LYST: variants seen among roughly 807,000 people sequenced by gnomAD.
LYST encodes the protein lysosomal-trafficking regulator.
LYST carries 192 observed loss-of-function variants against 413.6 expected under a neutral mutation model. That is an observed-to-expected ratio of 0.46 (90% CI 0.41 to 0.52). The LOEUF is 0.52. Among genes scored for constraint, LYST ranks in the 20% least tolerant of loss-of-function variants. The pLI, the probability that LYST is intolerant of heterozygous loss-of-function variation, is 0.00. For missense variants in LYST, 3,815 were observed against 4,499.9 expected (o/e 0.85, Z 4.35); for synonymous variants, 1,525 against 1,567.3 (o/e 0.97, Z 0.64).
At chr1:235,850,045 C>T (rs1678347876) in intron 1 of LYST, among the ~76,000 whole-genome samples, 1 of 151,790 alleles carries the variant, frequency 6.6e-6, no homozygotes, top group Admixed American at 6.6e-5. Flanking sequence ...CATATGGAAC[C>T]AAAAAAGAGC....
At chr1:235,709,613 G>C (rs987096833) in intron 43 of LYST, among the ~76,000 whole-genome samples, 1 of 150,034 alleles carries the variant, frequency 6.7e-6, no homozygotes, top group African/African-American at 2.5e-5. Context: ...CCAATATTCT[G>C]ACTATTCACA....
chr1:235,877,712 C>T (rs1372145261), intron 1 of LYST, among the ~76,000 whole-genome samples: 1 of 152,054 alleles, frequency 6.6e-6, no homozygotes, highest in African/African-American at 2.4e-5. Flanking sequence ...GGCCGGTCAA[C>T]TTTCTTTTTT....
rs1406853002 is a variant in LYST at position 235,759,281 on chromosome 1, G to A, written c.6572C>T (p.Pro2191Leu). Residue 2191 changes from proline (P) to leucine (L), a missense_variant, in exon 23 of 53, where the codon CCA becomes CTA. Physicochemically the swap from Pro to Leu is moderately conservative, Grantham distance 98. Coordinates refer to ENST00000389793, the MANE Select transcript of LYST (RefSeq NM_000081.4). ...CACTGGAAATCCCAGCACTCCCTTT[G>A]GGACATCACTGACAGAGACCTGGGC... ...LSAQVSVSDV[P>L]KGVLGFPVVK... The A allele has an allele frequency of 8.7e-6, 14 of 1,614,080 alleles. No individual in the cohort carries two copies. The highest frequency in any genetic ancestry group is 1.2e-5 in the Non-Finnish European group (14 of 1,180,000).
rs1673228950 is a variant in LYST at position 235,809,549 on chromosome 1, G to T, written c.1269C>A (p.Pro423=). The change falls in exon 5 of 53, where the codon CCC becomes CCA. Residue 423 remains proline, a synonymous_variant. Transcript: ENST00000389793. This position sits in a 1 kb window ranked among gnomAD's most constrained non-coding sequence, Gnocchi z 4.0. ...AATCCATGGCTTGACTGAAGTAGAAGGGATTTGAAGCTGCACTTTGAAGAC... is the reference window on the plus strand; with the variant it reads ...AATCCATGGCTTGACTGAAGTAGAATGGATTTGAAGCTGCACTTTGAAGAC... ...ICCLQSAASN[P]FYFSQAMDLV... The T allele has an allele frequency of 6.2e-7, 1 of 1,613,846 alleles. No homozygotes were observed. Among genetic ancestry groups the T allele is most frequent in the Non-Finnish European group, 8.5e-7 (1 of 1,179,974 alleles).
intron 1 of LYST, among the ~76,000 whole-genome samples, chr1:235,865,442 A>G (rs1680404434): frequency 6.6e-6 from 1 of 152,240 alleles, no homozygotes; most frequent in Non-Finnish European, 1.5e-5. Flanking sequence ...GAAGGAGCAG[A>G]TATTTATGTT....
At position 235,748,870 on chromosome 1, in the gene LYST, T is replaced by G. The variant is rs1006815087; in HGVS notation, c.7780+2340A>C. On this transcript the variant is annotated intron_variant, in intron 28 of 52. Coordinates refer to ENST00000389793, the MANE Select transcript of LYST (RefSeq NM_000081.4). ...AAATTTGTCTATTATCAGAGTCTGG[T>G]GTGTGGCCATAATGCAAGCTGCAGC... is the stretch of plus-strand genomic sequence containing the variant. Among the ~76,000 whole-genome samples the G allele has an allele frequency of 3.7e-4, 57 of 152,320 alleles. 1 individual carries two copies. Among genetic ancestry groups the G allele is most frequent in the Admixed American group, 3.7e-3 (57 of 15,300 alleles).
intron 24 of LYST, 96 bp downstream of exon 24, chr1:235,757,185 G>C (rs1362951017): frequency 1.4e-6 from 1 of 737,900 alleles, no homozygotes; most frequent in African/African-American, 1.8e-5. Flanking sequence ...ATAAAAGAGA[G>C]ATTTAGGTCT....
At chr1:235,814,809 C>G (rs889433480) in intron 3 of LYST, among the ~76,000 whole-genome samples, 2 of 152,050 alleles carry the variant, frequency 1.3e-5, no homozygotes, top group African/African-American at 4.8e-5. Context: ...AATCTAAACC[C>G]CTTTTTAGGT....
chr1:235,752,839 A>T (rs1302631339), intron 26 of LYST, among the ~76,000 whole-genome samples: 27 of 152,056 alleles, frequency 1.8e-4, no homozygotes, highest in Admixed American at 1.8e-3. Flanking sequence ...AAAGTAGCAT[A>T]CAGGGACATT....
At chr1:235,680,354 T>A (rs1393240766) in intron 48 of LYST, among the ~76,000 whole-genome samples, 1 of 152,112 alleles carries the variant, frequency 6.6e-6, no homozygotes, top group Non-Finnish European at 1.5e-5. Context: ...CTCCTGGGCT[T>A]AAGTGATCCT....
chr1:235,798,578 TAAAAAAAAAAAAAA>T lies in LYST; in HGVS notation c.4006+1728_4006+1741del, dbSNP rs71174462. ...TGGCGACAAGGGCAAAACCCTGTCA[TAAAAAAAAAAAAAA>T]AAAAAAAAAAAAAAAAAAAAAAAAC... On this transcript the variant is annotated intron_variant, in intron 10 of 52. Transcript: ENST00000389793. Among the ~76,000 whole-genome samples, 20 of 81,704 alleles carry T rather than the reference TAAAAAAAAAAAAAA, an allele frequency of 2.4e-4. 1 individual carries two copies. Among genetic ancestry groups the T allele is most frequent in the East Asian group, 1.1e-3 (2 of 1,820 alleles). The allele number at this position is 81,704 out of a possible 152,430, so 53.6% of individuals were successfully genotyped here. A position where few individuals can be genotyped will look rare whatever the true frequency, so the allele number is the denominator to read the frequency against.
rs75429077 is a variant in LYST at position 235,805,020 on chromosome 1, T to G, written c.3394-355A>C. On this transcript the variant is annotated intron_variant, in intron 6 of 52. Coordinates refer to ENST00000389793, the MANE Select transcript of LYST (RefSeq NM_000081.4). The stretch of plus-strand genomic sequence containing the variant: ...GAAATTCAGTGTGGAAGCATCAGGA[T>G]TTTTTAGAGATAAGGCAACATGGAG... Among the ~76,000 whole-genome samples, 402 of 152,252 alleles carry G rather than the reference T, an allele frequency of 2.6e-3. 2 individuals are homozygous for G. The highest frequency in any genetic ancestry group is 9.1e-3 in the African/African-American group (379 of 41,532).
At position 235,823,640 on chromosome 1, in the gene LYST, G is replaced by A. The variant is rs150132367; in HGVS notation, c.192+6586C>T. 3.5e-3 allele frequency among the ~76,000 whole-genome samples: 526 copies of A among 152,310 alleles called. 3 individuals carry two copies. The highest frequency in any genetic ancestry group is 0.012 in the African/African-American group (486 of 41,568). On this transcript the variant is annotated intron_variant, in intron 3 of 52. Coordinates refer to ENST00000389793, the MANE Select transcript of LYST (RefSeq NM_000081.4). ...CCCGTTTTACCAAAAGCAAAGCAAA[G>A]TTCAGCCTTCGCTGTAACTTCACTA...
intron 21 of LYST, 133 bp downstream of exon 21, chr1:235,765,946 T>C: frequency 2.6e-6 from 2 of 773,972 alleles, no homozygotes; most frequent in Non-Finnish European, 2.3e-6. Context: ...TATAACTCTC[T>C]GCCCTATCCC....
At chr1:235,822,632 G>A (rs1049730976) in intron 3 of LYST, among the ~76,000 whole-genome samples, 1 of 152,130 alleles carries the variant, frequency 6.6e-6, no homozygotes, top group Non-Finnish European at 1.5e-5. Flanking sequence ...GAGTGTAGGA[G>A]GAATAATAAT....
At chr1:235,869,239 G>A (rs1370408156), upstream of LYST, among the ~76,000 whole-genome samples, 1 of 152,134 alleles carries the variant, frequency 6.6e-6, no homozygotes, top group Non-Finnish European at 1.5e-5. Context: ...TTGGGAGGCC[G>A]AGGCGGGCAG....
intron 14 of LYST, among the ~76,000 whole-genome samples, chr1:235,783,678 AGT>A (rs1268739473): frequency 6.6e-6 from 1 of 152,190 alleles, no homozygotes; most frequent in Non-Finnish European, 1.5e-5. Context: ...AAAATAAAAT[AGT>A]GTTTTTAAGG....
At chr1:235,704,236 C>T (rs894069794) in intron 44 of LYST, among the ~76,000 whole-genome samples, 4 of 152,034 alleles carry the variant, frequency 2.6e-5, no homozygotes, top group Non-Finnish European at 1.5e-5. Flanking sequence ...TGTGTCTTTA[C>T]GGTAGAATGA....
At chr1:235,793,482 T>A in intron 11 of LYST, 21 bp downstream of exon 11, 1 of 1,125,440 alleles carries the variant, frequency 8.9e-7, no homozygotes, top group Non-Finnish European at 1.3e-6. Flanking sequence ...GTGAAAAATG[T>A]AAAAATTATA....
Sources: gnomAD v4.1 joint callset for allele counts (sites outside exome capture counted in the v4.1 genomes callset) on GRCh38, gnomAD v4.1.1 for gene constraint, Gnocchi (gnomAD v3.1) non-coding constraint, MANE v1.5 for transcripts, NCBI Gene and HGNC (gene_info 2026-07-23, HGNC 2026-07-21) for gene names.